The following JPH3 variants were observed in gnomAD, a reference collection of about 807,000 sequenced individuals.
JPH3 encodes the protein junctophilin 3, also known as junctophilin-3.
In JPH3, 11 loss-of-function variants were observed where a neutral mutation model predicts 59.6. That is an observed-to-expected ratio of 0.18 (90% CI 0.12 to 0.31). JPH3 has a LOEUF of 0.31. JPH3 is among the 10% of genes least tolerant of loss of function. The probability of loss-of-function intolerance (pLI) is 1.00; values close to 1 mark genes in which losing one functional copy is unlikely to be tolerated. For missense variants in JPH3, 1,202 were observed against 1,105.7 expected, an observed-to-expected ratio of 1.09 and a Z score of -1.24; for synonymous variants, 673 against 483.6, an observed-to-expected ratio of 1.39 and a Z score of -5.14.
Position 87,602,868 on chromosome 16 carries a change from T to TCCCCTC in JPH3, c.-269_-264dup, listed in dbSNP as rs1285746367. ...CCGCTCCTGCCCCCTCCCTCCCTCC[T>TCCCCTC]CCCCTCCCCCTCCCCTCCGGTCCTG... On this transcript the variant is annotated 5_prime_UTR_variant, in exon 1 of 5. Transcript: ENST00000284262. 2 of 44,232 alleles carry TCCCCTC rather than the reference T, an allele frequency of 4.5e-5. No individual in the cohort carries two copies. The highest frequency in any genetic ancestry group is 8.9e-3 in the Middle Eastern group (1 of 112). 2.7% of individuals were successfully genotyped at this position (44,232 alleles called of 1,614,324 possible).
intron 2 of JPH3, among the ~76,000 whole-genome samples, chr16:87,660,763 A>AG (rs930067487): frequency 6.6e-6 from 1 of 152,156 alleles, no homozygotes; most frequent in African/African-American, 2.4e-5. Flanking sequence ...AGTCTGTAGG[A>AG]GGGGGCACCT....
Position 87,681,114 on chromosome 16 carries a change from T to A in JPH3, c.1161-3028T>A, listed in dbSNP as rs1337775987. Among the ~76,000 whole-genome samples the A allele has an allele frequency of 2.0e-5, 3 of 151,996 alleles. No individual in the cohort carries two copies. In the East Asian group the frequency reaches 5.8e-4, roughly 29 times the overall value. On this transcript the variant is annotated intron_variant, in intron 2 of 4. Transcript: ENST00000284262. ...AGTCAGGTGCACACAGTGATGATAGTTCCGGGAGGTCAGGTGCGCGCGGTG... is the reference window on the plus strand; with the variant it reads ...AGTCAGGTGCACACAGTGATGATAGATCCGGGAGGTCAGGTGCGCGCGGTG...
intron 1 of JPH3, among the ~76,000 whole-genome samples, chr16:87,631,525 T>A (rs572041319): frequency 7.9e-5 from 12 of 152,274 alleles, no homozygotes; most frequent in African/African-American, 2.9e-4. Context: ...GCATTTAGGG[T>A]CTTTGTCATT....
In JPH3 at chr16:87,690,397, G is replaced by C. The variant is rs761253206; in HGVS notation, c.2037G>C (p.Ala679=). 4.4e-5 allele frequency: 67 copies of C among 1,516,686 alleles called. No individual in the cohort carries two copies. The highest frequency in any genetic ancestry group is 5.3e-5 in the South Asian group (4 of 75,674). The allele number at this position is 1,516,686 out of a possible 1,614,324, so 94.0% of individuals were successfully genotyped here. ...CGGAGCCCGCCGTGCAGAAACTGGC[G>C]AGCCTGCGGCTGGGCGGGGCCGAGC... The part of the protein sequence containing the change: ...SSAEPAVQKL[A]SLRLGGAEPR... The change falls in exon 4 of 5, where the codon GCG becomes GCC. Residue 679 remains alanine, a synonymous_variant. Transcript: ENST00000284262.
At chr16:87,677,702 T>C (rs34723651) in intron 2 of JPH3, among the ~76,000 whole-genome samples, 41,161 of 152,120 alleles carry the variant, frequency 0.27, 5,796 homozygotes, top group East Asian at 0.47. Flanking sequence ...TCCAAAGGAA[T>C]TGGCTGGGCT....
rs2033535686 is a variant in JPH3, at chr16:87,690,358, G to A, written c.1998G>A (p.Arg666=). 6.4e-7 allele frequency: 1 copy of A among 1,559,246 alleles called. No individual in the cohort carries two copies. The highest frequency in any genetic ancestry group is 8.7e-7 in the Non-Finnish European group (1 of 1,155,086). The stretch of plus-strand genomic sequence containing the variant: ...AGGCCCAGAACAAGGAGAACTTCAG[G>A]CCGGCCTCCTCCGCGGAGCCCGCCG... ...RSKAQNKENF[R]PASSAEPAVQ... The change falls in exon 4 of 5, where the codon AGG becomes AGA. Residue 666 remains arginine (R), a synonymous_variant. Coordinates refer to ENST00000284262, the MANE Select transcript of JPH3 (RefSeq NM_020655.4).
intron 1 of JPH3, among the ~76,000 whole-genome samples, chr16:87,613,131 C>G (rs539499272): frequency 2.3e-4 from 31 of 136,590 alleles, no homozygotes; most frequent in Non-Finnish European, 3.2e-4. Context: ...GAGTCTCACT[C>G]TGTCGCCTAG....
At chr16:87,624,530 G>A (rs577725916) in intron 1 of JPH3, among the ~76,000 whole-genome samples, 5 of 152,352 alleles carry the variant, frequency 3.3e-5, no homozygotes, top group East Asian at 1.9e-4. Context: ...GCGGGGCACC[G>A]CGTTTTGTGT....
intron 2 of JPH3, among the ~76,000 whole-genome samples, chr16:87,678,112 C>T (rs1307688618): frequency 2.6e-5 from 4 of 152,200 alleles, no homozygotes; most frequent in East Asian, 1.9e-4. Flanking sequence ...ATTAGCCAGG[C>T]GTAGTGTCTT....
At chr16:87,686,859 A>G (rs981431026) in intron 3 of JPH3, among the ~76,000 whole-genome samples, 1 of 152,164 alleles carries the variant, frequency 6.6e-6, no homozygotes, top group South Asian at 2.1e-4. Context: ...TGATGGAGAG[A>G]CGGGGCCGCT....
chr16:87,633,407 C>G (rs528256234), intron 1 of JPH3, among the ~76,000 whole-genome samples: 4 of 151,600 alleles, frequency 2.6e-5, no homozygotes, highest in Admixed American at 2.6e-4. Flanking sequence ...GCAGCATATG[C>G]ATTTTGGAGA....
intron 1 of JPH3, among the ~76,000 whole-genome samples, chr16:87,621,285 G>T (rs901634787): frequency 3.3e-5 from 5 of 152,254 alleles, no homozygotes; most frequent in African/African-American, 1.2e-4. Flanking sequence ...CTCTGTGTCG[G>T]GAGGGGCTGC....
intron 1 of JPH3, among the ~76,000 whole-genome samples, chr16:87,616,698 G>A (rs1386249071): frequency 1.3e-5 from 2 of 152,164 alleles, no homozygotes; most frequent in African/African-American, 4.8e-5. Context: ...TGTCGGAACC[G>A]GATATTGACG....
At chr16:87,603,596 A>T (rs941928046) in intron 1 of JPH3, 68 bp downstream of exon 1, 3 of 1,493,900 alleles carry the variant, frequency 2.0e-6, no homozygotes, top group Non-Finnish European at 2.7e-6. Context: ...CCTTCTGTGG[A>T]TCTCTGGGGA....
intron 1 of JPH3, among the ~76,000 whole-genome samples, chr16:87,612,435 G>A (rs551533854): frequency 1.6e-4 from 24 of 152,288 alleles, no homozygotes; most frequent in African/African-American, 4.8e-4. Flanking sequence ...ACAGGTGTGA[G>A]CAACTGCACC....
chr16:87,616,210 G>GTGTGTGTA, intron 1 of JPH3, among the ~76,000 whole-genome samples: 1 of 144,936 alleles, frequency 6.9e-6, no homozygotes, highest in East Asian at 2.0e-4. Context: ...GTGTGTGTGT[G>GTGTGTGTA]TGTGTGTGTG....
At chr16:87,684,356 G>C (rs995018538) in intron 3 of JPH3, 90 bp downstream of exon 3, 28 of 1,534,610 alleles carry the variant, frequency 1.8e-5, no homozygotes, top group African/African-American at 2.7e-5. Flanking sequence ...CCTCCAGAGC[G>C]GGTAGGCTTA....
chr16:87,662,799 G>C (rs144599658), intron 2 of JPH3, among the ~76,000 whole-genome samples: 2,000 of 152,334 alleles, frequency 0.013, 25 homozygotes, highest in Non-Finnish European at 0.018. Flanking sequence ...TCTTCCGTCT[G>C]TCTCCCTGTG....
Position 87,603,089 on chromosome 16 carries a change from G to A in JPH3, c.-58G>A, listed in dbSNP as rs1223653804. On this transcript the variant is annotated 5_prime_UTR_variant, in exon 1 of 5. The change creates a new upstream start codon in the 5' untranslated region. Coordinates refer to ENST00000284262, the MANE Select transcript of JPH3 (RefSeq NM_020655.4). ...GGCCGCCGGCGGCCGCGACTCTGCT[G>A]TGTCGATCGCCTGAGTCCGTTTTCA... 9 of 1,611,378 alleles carry A rather than the reference G, an allele frequency of 5.6e-6. No individual in the cohort carries two copies. Among genetic ancestry groups the A allele is most frequent in the Non-Finnish European group, 6.8e-6 (8 of 1,178,666 alleles).
Sources: gnomAD v4.1 joint callset for allele counts (sites outside exome capture counted in the v4.1 genomes callset) on GRCh38, gnomAD v4.1.1 for gene constraint, MANE v1.5 for transcripts, NCBI Gene and HGNC (gene_info 2026-07-23, HGNC 2026-07-21) for gene names.